The following GALNT17 variants were observed in gnomAD, a reference collection of about 807,000 sequenced individuals.
GALNT17 encodes the protein polypeptide N-acetylgalactosaminyltransferase 17, also known as UDP-GalNAc:polypeptide N-acetylgalactosaminyltransferase-like 3.
In GALNT17, 29 loss-of-function variants were observed where a neutral mutation model predicts 63.7. That is an observed-to-expected ratio of 0.46 (90% CI 0.34 to 0.62). The LOEUF is 0.62. GALNT17 is among the 20% of genes least tolerant of loss of function. GALNT17 has a pLI of 0.01. For missense variants in GALNT17, 603 were observed against 799.6 expected (o/e 0.75, Z 2.97); for synonymous variants, 305 against 318.3 (o/e 0.96, Z 0.45).
intron 6 of GALNT17, among the ~76,000 whole-genome samples, chr7:71,662,350 C>G (rs1299363508): frequency 6.6e-6 from 1 of 152,084 alleles, no homozygotes; most frequent in Admixed American, 6.6e-5. Context: ...GTCTGTCTGT[C>G]TGTCTATCTA....
chr7:71,306,479 A>T (rs12699011), intron 1 of GALNT17, among the ~76,000 whole-genome samples: 8,937 of 152,098 alleles, frequency 0.059, 274 homozygotes, highest in Non-Finnish European at 0.074. Context: ...AAGTGAAATC[A>T]TACAGTAATT....
intron 1 of GALNT17, among the ~76,000 whole-genome samples, chr7:71,322,402 C>T (rs1293768302): frequency 6.6e-6 from 1 of 152,070 alleles, no homozygotes; most frequent in Non-Finnish European, 1.5e-5. Context: ...ATTTATGGAA[C>T]GTTTGCTCCA....
chr7:71,257,511 G>T (rs1472666772), intron 1 of GALNT17, among the ~76,000 whole-genome samples: 1 of 152,188 alleles, frequency 6.6e-6, no homozygotes, highest in Non-Finnish European at 1.5e-5. Flanking sequence ...GAAATGGCTT[G>T]TCAATATAAT....
intron 1 of GALNT17, among the ~76,000 whole-genome samples, chr7:71,199,575 C>G (rs1789124952): frequency 6.7e-6 from 1 of 149,460 alleles, no homozygotes; most frequent in African/African-American, 2.5e-5. Context: ...TCCTGCCTAC[C>G]CTTCTGCTCA....
intron 1 of GALNT17, among the ~76,000 whole-genome samples, chr7:71,210,436 C>T (rs1018389202): frequency 2.6e-5 from 4 of 152,062 alleles, no homozygotes; most frequent in African/African-American, 7.2e-5. Flanking sequence ...CACTCCTGGC[C>T]GAGTGACAAT....
At chr7:71,486,901 C>T (rs4493801) in intron 5 of GALNT17, among the ~76,000 whole-genome samples, 7,562 of 151,974 alleles carry the variant, frequency 0.05, 659 homozygotes, top group African/African-American at 0.17. Flanking sequence ...CTTGCTCCTG[C>T]TGGTGGATTG....
rs201664826 is a variant in GALNT17, at chr7:71,391,662, T to TA, written c.589+3261_589+3262insA. The stretch of plus-strand genomic sequence containing the variant: ...CATGCCTAGCTAATTTATATATATA[T>TA]TTTTTGTAGAGATGGGGTTTTGGCA... On this transcript the variant is annotated intron_variant, in intron 3 of 10. Coordinates refer to ENST00000333538, the MANE Select transcript of GALNT17 (RefSeq NM_022479.3). Among the ~76,000 whole-genome samples, 1,270 of 152,122 alleles carry TA rather than the reference T, an allele frequency of 8.3e-3. 20 individuals are homozygous for TA. The highest frequency in any genetic ancestry group is 0.028 in the African/African-American group (1,177 of 41,494).
intron 6 of GALNT17, among the ~76,000 whole-genome samples, chr7:71,642,645 G>C (rs1790619993): frequency 6.6e-6 from 1 of 152,084 alleles, no homozygotes; most frequent in Non-Finnish European, 1.5e-5. Context: ...GGACCAACCT[G>C]ACCAACATGG....
chr7:71,529,420 TA>T (rs748900606), intron 5 of GALNT17, among the ~76,000 whole-genome samples: 2 of 151,494 alleles, frequency 1.3e-5, no homozygotes, highest in Admixed American at 1.3e-4. Context: ...CACCTATTTG[TA>T]AAAAAAAATC....
intron 6 of GALNT17, among the ~76,000 whole-genome samples, chr7:71,645,590 G>T (rs767111223): frequency 6.6e-6 from 1 of 152,126 alleles, no homozygotes; most frequent in African/African-American, 2.4e-5. Flanking sequence ...TTATAGCAGT[G>T]TGAAAATGAA....
At chr7:71,293,368 C>A (rs538618266) in intron 1 of GALNT17, among the ~76,000 whole-genome samples, 1 of 152,114 alleles carries the variant, frequency 6.6e-6, no homozygotes, top group East Asian at 1.9e-4. Context: ...CAACCCTTAC[C>A]TTGTCTTTTT....
intron 2 of GALNT17, among the ~76,000 whole-genome samples, chr7:71,374,485 C>T (rs1227406733): frequency 6.6e-6 from 1 of 152,232 alleles, no homozygotes; most frequent in Admixed American, 6.5e-5. Context: ...GGCAAGAGAG[C>T]CCCTCGTGAG....
At chr7:71,509,277 G>A (rs541575754) in intron 5 of GALNT17, among the ~76,000 whole-genome samples, 1 of 152,322 alleles carries the variant, frequency 6.6e-6, no homozygotes, top group East Asian at 1.9e-4. Flanking sequence ...ATGTAATATA[G>A]CCTAGGCTAA....
chr7:71,254,341 C>T (rs115394328), intron 1 of GALNT17, among the ~76,000 whole-genome samples: 2,094 of 152,258 alleles, frequency 0.014, 45 homozygotes, highest in African/African-American at 0.048. Flanking sequence ...ACTTAATTCT[C>T]TCCTGGATCA....
At chr7:71,256,298 G>A (rs918247811) in intron 1 of GALNT17, among the ~76,000 whole-genome samples, 10 of 152,352 alleles carry the variant, frequency 6.6e-5, no homozygotes, top group African/African-American at 9.6e-5. Context: ...TGGGCTAGGC[G>A]TGGTGGCTCA....
chr7:71,136,525 C>T (rs1279967770), intron 1 of GALNT17, among the ~76,000 whole-genome samples: 2 of 152,012 alleles, frequency 1.3e-5, no homozygotes, highest in East Asian at 1.9e-4. Flanking sequence ...CTCGCTGTGT[C>T]GCCAGGCTGG....
At chr7:71,711,593 G>T (rs115994505) in intron 10 of GALNT17, among the ~76,000 whole-genome samples, 17 of 143,536 alleles carry the variant, frequency 1.2e-4, no homozygotes, top group African/African-American at 3.4e-4. Context: ...TCTCTGTCTT[G>T]TCTCTCCTCT....
chr7:71,181,793 C>T (rs1297878656), intron 1 of GALNT17, among the ~76,000 whole-genome samples: 1 of 152,098 alleles, frequency 6.6e-6, no homozygotes, highest in East Asian at 1.9e-4. Flanking sequence ...AGGAGGATCG[C>T]TTGAACCCAG....
At chr7:71,546,628 C>T (rs1788990225) in intron 5 of GALNT17, among the ~76,000 whole-genome samples, 2 of 152,210 alleles carry the variant, frequency 1.3e-5, no homozygotes, top group African/African-American at 4.8e-5. Flanking sequence ...AGGTACTCAA[C>T]CTTTCTGAAC....
Sources: allele counts gnomAD v4.1 joint callset (sites outside exome capture counted in the v4.1 genomes callset), GRCh38; gene constraint gnomAD v4.1.1; transcripts MANE v1.5; gene names NCBI Gene and HGNC (gene_info 2026-07-23, HGNC 2026-07-21).